The following CD9 variants were observed in gnomAD, a reference collection of about 807,000 sequenced individuals.
CD9 encodes CD9 antigen.
Under a neutral mutation model 31.4 loss-of-function variants are expected in CD9, and 10 were observed. The observed-to-expected ratio is 0.32, with a 90% CI of 0.20 to 0.54. The LOEUF (loss-of-function observed/expected upper bound fraction) is 0.54. Ranked by LOEUF, CD9 falls within the 20% of genes least tolerant of loss-of-function variation. The pLI, the probability that CD9 is intolerant of heterozygous loss-of-function variation, is 0.94. For synonymous variants in CD9, 113 were observed against 114.1 expected (o/e 0.99, Z 0.06); for missense variants, 259 against 300.1 (o/e 0.86, Z 1.01).
At chr12:6,231,087 G>A (rs1400824306) in intron 2 of CD9, among the ~76,000 whole-genome samples, 1 of 152,192 alleles carries the variant, frequency 6.6e-6, no homozygotes, top group Non-Finnish European at 1.5e-5. Flanking sequence ...GCTGTGTATT[G>A]TGGGGAAACA....
intron 1 of CD9, among the ~76,000 whole-genome samples, chr12:6,212,257 C>T (rs1419687013): frequency 3.3e-5 from 5 of 152,170 alleles, no homozygotes; most frequent in African/African-American, 1.2e-4. Context: ...CTTTACCTCT[C>T]GGAGCCTGTT....
Position 6,237,904 on chromosome 12 carries a change from G to GT in CD9, c.*79dup, listed in dbSNP as rs1946541686. The GT allele has an allele frequency of 9.5e-7, 1 of 1,052,088 alleles. No individual in the cohort carries two copies. The highest frequency in any genetic ancestry group is 1.4e-5 in the South Asian group (1 of 73,382). The allele number at this position is 1,052,088 out of a possible 1,614,324, so 65.2% of individuals were successfully genotyped here. On this transcript the variant is annotated 3_prime_UTR_variant, in exon 8 of 8. Transcript: ENST00000009180. ...ATTTTTTGTTTGTTTGTTTTGTTTT[G>GT]TTTGTTGTTTGTTGTTTGTTTTTTT...
intron 1 of CD9, among the ~76,000 whole-genome samples, chr12:6,220,885 G>A (rs146570392): frequency 9.2e-4 from 140 of 152,316 alleles, no homozygotes; most frequent in African/African-American, 3.3e-3. Context: ...TGTTAACTGA[G>A]CTCTGGACTT....
chr12:6,218,672 G>A (rs1437029973), intron 1 of CD9, among the ~76,000 whole-genome samples: 1 of 152,204 alleles, frequency 6.6e-6, no homozygotes, highest in Non-Finnish European at 1.5e-5. Context: ...AACTCCAGGT[G>A]TGTGTTTCAG....
intron 1 of CD9, among the ~76,000 whole-genome samples, chr12:6,210,440 G>A (rs908924216): frequency 6.6e-6 from 1 of 152,210 alleles, no homozygotes; most frequent in Non-Finnish European, 1.5e-5. Context: ...GCCAGGGAGA[G>A]GAAGCACCGG....
intron 1 of CD9, among the ~76,000 whole-genome samples, chr12:6,221,811 TACAA>T (rs1565423741): frequency 2.1e-5 from 1 of 48,260 alleles, no homozygotes; most frequent in Non-Finnish European, 3.9e-5. Context: ...CCCCTGGCTC[TACAA>T]AAAAAAAAAA....
At chr12:6,203,910 T>G (rs902401077) in intron 1 of CD9, among the ~76,000 whole-genome samples, 2 of 152,124 alleles carry the variant, frequency 1.3e-5, no homozygotes, top group African/African-American at 2.4e-5. Context: ...CCCAATCCCC[T>G]CCCCACCTCC....
Position 6,207,367 on chromosome 12 carries a change from T to G in CD9, c.66+6802T>G, listed in dbSNP as rs144039085. Reference sequence around the variant, plus strand: ...TTAGAAATGATAAATTCCCTAGTGATCAAGTGCAGCTCAGATGGGACAGCT... The same window carrying G: ...TTAGAAATGATAAATTCCCTAGTGAGCAAGTGCAGCTCAGATGGGACAGCT... On this transcript the variant is annotated intron_variant, in intron 1 of 7. Transcript: ENST00000009180. Among the ~76,000 whole-genome samples, 153 of 152,326 alleles carry G rather than the reference T, an allele frequency of 1.0e-3. 1 individual carries two copies. The highest frequency in any genetic ancestry group is 3.2e-3 in the African/African-American group (134 of 41,578).
rs1371801295 is a variant in CD9, at chr12:6,225,518, T to G, written c.159T>G (p.Asn53Lys). The change falls in exon 2 of 8, where the codon AAT (asparagine) becomes AAG (lysine). Residue 53 changes from asparagine (N) to lysine (K), a missense_variant. Physicochemically the swap from Asn to Lys is moderately conservative, Grantham distance 94. Transcript: ENST00000009180. ...TCGAGCAAGAAACTAATAATAATAA[T>G]TCCAGCTTCTACACAGGTGAGGGAC... ...SIFEQETNNN[N>K]SSFYTGVYIL... 3 of 1,605,106 alleles carry G rather than the reference T, an allele frequency of 1.9e-6. No homozygotes were observed. Among genetic ancestry groups the G allele is most frequent in the Non-Finnish European group, 2.6e-6 (3 of 1,171,940 alleles).
chr12:6,214,352 T>TTTTTTC, intron 1 of CD9, among the ~76,000 whole-genome samples: 1 of 130,634 alleles, frequency 7.7e-6, no homozygotes, highest in Non-Finnish European at 1.6e-5. Context: ...CTCTTTTTTT[T>TTTTTTC]TTTTTTTTTT....
chr12:6,208,321 G>A (rs1441958302), intron 1 of CD9, among the ~76,000 whole-genome samples: 1 of 151,974 alleles, frequency 6.6e-6, no homozygotes, highest in Non-Finnish European at 1.5e-5. Context: ...TAAGCAGCTG[G>A]TGGCTCCTGC....
chr12:6,201,563 G>T (rs1946078113), intron 1 of CD9, among the ~76,000 whole-genome samples: 1 of 152,266 alleles, frequency 6.6e-6, no homozygotes, highest in Non-Finnish European at 1.5e-5. Flanking sequence ...CTCTACAAAT[G>T]GGAAGGCTGA....
intron 1 of CD9, among the ~76,000 whole-genome samples, chr12:6,219,640 C>T (rs918872912): frequency 6.6e-6 from 1 of 152,078 alleles, no homozygotes; most frequent in African/African-American, 2.4e-5. Context: ...CACCCGCCAC[C>T]ACGCCCGGCT....
intron 7 of CD9, among the ~76,000 whole-genome samples, chr12:6,237,460 T>C (rs1014111449): frequency 6.6e-6 from 1 of 152,184 alleles, no homozygotes; most frequent in African/African-American, 2.4e-5. Flanking sequence ...GGACTAGGAC[T>C]ATAGGAAAAC....
intron 1 of CD9, among the ~76,000 whole-genome samples, chr12:6,209,679 CTTTTTTT>C (rs71064199): frequency 0.42 from 55,040 of 132,398 alleles, 10,878 homozygotes; most frequent in Admixed American, 0.53. Flanking sequence ...CTGCAAATTT[CTTTTTTT>C]TTTTTTTTTT....
chr12:6,199,991 C>A (rs901871511), upstream of CD9: 2 of 152,210 alleles, frequency 1.3e-5, no homozygotes, highest in Non-Finnish European at 2.9e-5. Flanking sequence ...CCCTGACGAC[C>A]CGGGGAAGAG....
intron 1 of CD9, among the ~76,000 whole-genome samples, chr12:6,204,260 T>C (rs1384632505): frequency 6.6e-6 from 1 of 152,198 alleles, no homozygotes; most frequent in Non-Finnish European, 1.5e-5. Flanking sequence ...AGAACTCTCC[T>C]ACACAACCCA....
At chr12:6,222,781 G>A (rs1946308610) in intron 1 of CD9, among the ~76,000 whole-genome samples, 1 of 152,226 alleles carries the variant, frequency 6.6e-6, no homozygotes, top group African/African-American at 2.4e-5. Flanking sequence ...CATTATCTGA[G>A]CGTGGAACAT....
chr12:6,221,258 C>T (rs1024710827), intron 1 of CD9, among the ~76,000 whole-genome samples: 1 of 152,200 alleles, frequency 6.6e-6, no homozygotes, highest in Non-Finnish European at 1.5e-5. Flanking sequence ...AGAATGTTTC[C>T]ATTTGGCTTT....
Sources: allele counts gnomAD v4.1 joint callset (sites outside exome capture counted in the v4.1 genomes callset), GRCh38; gene constraint gnomAD v4.1.1; transcripts MANE v1.5; gene names NCBI Gene and HGNC (gene_info 2026-07-23, HGNC 2026-07-21).